Variants in WDR44 observed in about 807,000 individuals in gnomAD.
WDR44 encodes the protein WD repeat-containing protein 44.
In WDR44, 9 loss-of-function variants were observed where a neutral mutation model predicts 65.7. The ratio of observed to expected loss-of-function variants is 0.14; its 90% CI spans 0.08 to 0.24. The LOEUF (loss-of-function observed/expected upper bound fraction) is 0.24. WDR44 is among the 10% of genes least tolerant of loss of function. The pLI, the probability that WDR44 is intolerant of heterozygous loss-of-function variation, is 1.00. For synonymous variants in WDR44, 220 were observed against 235.2 expected (o/e 0.94, Z 0.59); for missense variants, 425 against 670.9 (o/e 0.63, Z 4.05).
At chrX:118,418,889 C>A (rs983855715) in intron 12 of WDR44, among the ~76,000 whole-genome samples, 15 of 110,555 alleles carry the variant, frequency 1.4e-4, no homozygotes, top group African/African-American at 4.9e-4. Context: ...TGTGATGTTC[C>A]CAGGTCAATG....
Position 118,358,897 on chromosome X carries a change from A to T in WDR44, c.77+12317A>T, listed in dbSNP as rs1331257633. Among the ~76,000 whole-genome samples, 4 of 110,925 alleles carry T rather than the reference A, an allele frequency of 3.6e-5. 1 individual carries two copies. In the East Asian group the frequency reaches 1.1e-3, roughly 31 times the overall value. On this transcript the variant is annotated intron_variant, in intron 1 of 19. Coordinates refer to ENST00000254029, the MANE Select transcript of WDR44 (RefSeq NM_019045.5). ...AGATCAGCCTGGCCAACATGGTGAAACTCCATCTCTACTAAAAATACAGAA... is the reference window on the plus strand; with the variant it reads ...AGATCAGCCTGGCCAACATGGTGAATCTCCATCTCTACTAAAAATACAGAA...
chrX:118,400,122 A>AC (rs774052308), intron 8 of WDR44, among the ~76,000 whole-genome samples: 2 of 109,550 alleles, frequency 1.8e-5, no homozygotes, highest in Non-Finnish European at 3.8e-5. Flanking sequence ...AACTCATAGC[A>AC]CAATCATTGT....
At chrX:118,446,823 C>T (rs1012526008) in intron 19 of WDR44, among the ~76,000 whole-genome samples, 2 of 110,997 alleles carry the variant, frequency 1.8e-5, no homozygotes, top group African/African-American at 6.6e-5. Context: ...CAGCTTCTGT[C>T]TTCTAACTTA....
chrX:118,347,592 A>G (rs2056363965), intron 1 of WDR44, among the ~76,000 whole-genome samples: 1 of 112,316 alleles, frequency 8.9e-6, no homozygotes. Flanking sequence ...ATAAAGGACT[A>G]ATATGGTTCG....
At chrX:118,369,753 T>C (rs1040022859) in intron 1 of WDR44, among the ~76,000 whole-genome samples, 10 of 111,968 alleles carry the variant, frequency 8.9e-5, no homozygotes, top group South Asian at 3.7e-4. Context: ...AGGTGTGGGC[T>C]ACCACGTCCA....
intron 1 of WDR44, among the ~76,000 whole-genome samples, chrX:118,367,249 G>A (rs1375798873): frequency 8.9e-6 from 1 of 111,759 alleles, no homozygotes; most frequent in African/African-American, 3.2e-5. Flanking sequence ...ATTTGAAATA[G>A]CCATAAGTAA....
At position 118,449,125 on chromosome X, in the gene WDR44, T is replaced by C. The variant is rs2057371547; in HGVS notation, c.*138T>C. On this transcript the variant is annotated 3_prime_UTR_variant, in exon 20 of 20. Transcript: ENST00000254029. Reference sequence around the variant, plus strand: ...ATATAATATATTTTTTGAGAGGCAGTGTTAATGATCTAGGAAACCCTGGGC... The same window carrying C: ...ATATAATATATTTTTTGAGAGGCAGCGTTAATGATCTAGGAAACCCTGGGC... 2.5e-6 allele frequency: 1 copy of C among 400,635 alleles called. No homozygotes were observed. The highest frequency in any genetic ancestry group is 2.5e-5 in the African/African-American group (1 of 39,515). The allele number at this position is 400,635 out of a possible 1,213,427, so 33.0% of individuals were successfully genotyped here.
At chrX:118,395,379 C>T (rs768523158) in intron 6 of WDR44, 35 bp downstream of exon 6, 2 of 1,098,167 alleles carry the variant, frequency 1.8e-6, no homozygotes, top group Non-Finnish European at 2.5e-6. Flanking sequence ...GTTCTTAAAA[C>T]ATAAAGTACA....
intron 14 of WDR44, among the ~76,000 whole-genome samples, chrX:118,439,575 C>CA (rs1389571604): frequency 8.5e-4 from 90 of 105,567 alleles, no homozygotes; most frequent in African/African-American, 2.7e-3. Flanking sequence ...GACTCCGTCT[C>CA]AAAAAAAAAG....
At chrX:118,376,596 T>C (rs992916637) in intron 1 of WDR44, among the ~76,000 whole-genome samples, 4 of 111,852 alleles carry the variant, frequency 3.6e-5, no homozygotes, top group African/African-American at 1.3e-4. Context: ...TCCTATTGCA[T>C]AACCCCAAGG....
Position 118,417,175 on chromosome X carries a change from T to C in WDR44, c.1737+6216T>C, listed in dbSNP as rs190599989. On this transcript the variant is annotated intron_variant, in intron 12 of 19. Coordinates refer to ENST00000254029, the MANE Select transcript of WDR44 (RefSeq NM_019045.5). ...GAGCATTTAGGCCACTTACATTCAA[T>C]GTTAGTATTGAGATGTGAGATACCT... 9.8e-5 allele frequency among the ~76,000 whole-genome samples: 11 copies of C among 112,201 alleles called. No homozygotes were observed. The East Asian group carries it at 1.7e-3, about 17-fold the overall frequency.
At chrX:118,351,042 C>T (rs1355364685) in intron 1 of WDR44, among the ~76,000 whole-genome samples, 3 of 111,989 alleles carry the variant, frequency 2.7e-5, no homozygotes, top group Admixed American at 9.5e-5. Flanking sequence ...GGCACTTACC[C>T]TATTAGCTGG....
chrX:118,382,137 G>A (rs1434069823), intron 2 of WDR44, among the ~76,000 whole-genome samples: 4 of 112,127 alleles, frequency 3.6e-5, no homozygotes, highest in Non-Finnish European at 7.5e-5. Context: ...CCAAAGCATT[G>A]GGATTACATG....
chrX:118,415,296 A>T (rs189262130), intron 12 of WDR44, among the ~76,000 whole-genome samples: 6 of 111,556 alleles, frequency 5.4e-5, no homozygotes, highest in Admixed American at 1.9e-4. Flanking sequence ...GTTGTTAAGG[A>T]TTTTAGCATC....
chrX:118,355,247 T>A (rs2056448992), intron 1 of WDR44, among the ~76,000 whole-genome samples: 1 of 111,995 alleles, frequency 8.9e-6, no homozygotes, highest in Non-Finnish European at 1.9e-5. Flanking sequence ...ATAGTCAATG[T>A]CATTAGTACA....
intron 19 of WDR44, among the ~76,000 whole-genome samples, chrX:118,446,373 A>G (rs1306493870): frequency 2.7e-5 from 3 of 111,120 alleles, no homozygotes; most frequent in Non-Finnish European, 5.7e-5. Context: ...AGCCCGGGCA[A>G]CATAGAAGAC....
chrX:118,424,339 A>ATATATATATATATATGTATATATATG (rs762485693), intron 12 of WDR44, among the ~76,000 whole-genome samples: 1 of 85,309 alleles, frequency 1.2e-5, no homozygotes, highest in Non-Finnish European at 2.0e-5. Context: ...ATATATATAT[A>ATATATATATATATATGTATATATATG]TATATATATG....
At chrX:118,424,725 T>C (rs1304003354) in intron 12 of WDR44, among the ~76,000 whole-genome samples, 2 of 111,248 alleles carry the variant, frequency 1.8e-5, no homozygotes, top group Non-Finnish European at 3.8e-5. Context: ...TTGTCTATTT[T>C]TGCTTTTGCT....
At chrX:118,398,293 T>C (rs764401448) in intron 7 of WDR44, 94 bp from the exon 8 acceptor site, 1 of 616,625 alleles carries the variant, frequency 1.6e-6, no homozygotes, top group South Asian at 3.4e-5. Context: ...TAGTTTTTCT[T>C]ATTCTGATTA....
Sources: gnomAD v4.1 joint callset for allele counts (sites outside exome capture counted in the v4.1 genomes callset) on GRCh38, gnomAD v4.1.1 for gene constraint, MANE v1.5 for transcripts, NCBI Gene and HGNC (gene_info 2026-07-23, HGNC 2026-07-21) for gene names.